LRP1B: variants seen among roughly 807,000 people sequenced by gnomAD.
LRP1B encodes the protein LDL receptor related protein 1B.
Under a neutral mutation model 556.6 loss-of-function variants are expected in LRP1B, and 217 were observed. The observed-to-expected ratio is 0.39, with a 90% CI of 0.35 to 0.44. The LOEUF is 0.44. LRP1B is among the 20% of genes least tolerant of loss of function. LRP1B has a pLI of 1.00. For synonymous variants in LRP1B, 2,047 were observed against 1,865.8 expected (o/e 1.10, Z -2.50); for missense variants, 5,053 against 5,620.8 (o/e 0.90, Z 3.23).
intron 1 of LRP1B, among the ~76,000 whole-genome samples, chr2:142,090,216 G>A (rs2104947981): frequency 6.6e-6 from 1 of 152,158 alleles, no homozygotes; most frequent in South Asian, 2.1e-4. Context: ...TTATTCATAT[G>A]TAATATTTAT....
At chr2:140,320,719 C>T (rs764239235) in intron 82 of LRP1B, among the ~76,000 whole-genome samples, 11 of 152,130 alleles carry the variant, frequency 7.2e-5, no homozygotes, top group East Asian at 3.9e-4. Flanking sequence ...TGAGCCACCA[C>T]GCCTGGCAAG....
At chr2:141,425,270 T>C (rs1391296724) in intron 3 of LRP1B, among the ~76,000 whole-genome samples, 5 of 151,432 alleles carry the variant, frequency 3.3e-5, no homozygotes, top group African/African-American at 4.9e-5. Flanking sequence ...TATGGCTGCA[T>C]AGTATTCCAT....
intron 35 of LRP1B, among the ~76,000 whole-genome samples, chr2:140,758,561 T>G (rs1218395124): frequency 6.6e-6 from 1 of 152,092 alleles, no homozygotes; most frequent in Admixed American, 6.5e-5. Flanking sequence ...CCAACTAATT[T>G]TCATGTTTAA....
intron 15 of LRP1B, among the ~76,000 whole-genome samples, chr2:140,999,246 G>T (rs1022340739): frequency 3.3e-5 from 5 of 152,046 alleles, no homozygotes; most frequent in Non-Finnish European, 5.9e-5. Context: ...TATATTAGAA[G>T]ATATAGCAGA....
intron 32 of LRP1B, among the ~76,000 whole-genome samples, chr2:140,780,744 T>G (rs1339663061): frequency 6.6e-6 from 1 of 152,188 alleles, no homozygotes. Flanking sequence ...ACTGAACATT[T>G]GAACACATCT....
At chr2:141,623,908 G>A (rs1402459864) in intron 2 of LRP1B, among the ~76,000 whole-genome samples, 1 of 150,534 alleles carries the variant, frequency 6.6e-6, no homozygotes, top group Admixed American at 6.6e-5. Flanking sequence ...CCAGCTACTC[G>A]GGAGGCTGAG....
At chr2:141,114,822 G>T (rs1700845592) in intron 7 of LRP1B, among the ~76,000 whole-genome samples, 1 of 151,818 alleles carries the variant, frequency 6.6e-6, no homozygotes, top group South Asian at 2.1e-4. Context: ...AAGTGTGTGG[G>T]TGCGTCCATA....
intron 37 of LRP1B, 106 bp from the exon 38 acceptor site, chr2:140,702,659 T>A: frequency 1.0e-6 from 1 of 959,326 alleles, no homozygotes; most frequent in Middle Eastern, 2.2e-4. Flanking sequence ...CACACTAGAA[T>A]AAAAATAATA....
intron 59 of LRP1B, among the ~76,000 whole-genome samples, chr2:140,484,720 C>G (rs896445267): frequency 1.3e-5 from 2 of 152,136 alleles, no homozygotes; most frequent in African/African-American, 2.4e-5. Flanking sequence ...ATACACCAGA[C>G]AGCTTTGACA....
chr2:141,760,798 G>A (rs1229127720), intron 2 of LRP1B, among the ~76,000 whole-genome samples: 2 of 152,154 alleles, frequency 1.3e-5, no homozygotes, highest in East Asian at 3.8e-4. Context: ...TCTTACAGAC[G>A]ATGGCTAACA....
intron 51 of LRP1B, 68 bp downstream of exon 51, chr2:140,514,585 A>G (rs1689805963): frequency 2.2e-6 from 3 of 1,394,946 alleles, no homozygotes; most frequent in South Asian, 1.8e-5. Flanking sequence ...AATTTTGTGT[A>G]TGCTATAAAA....
At chr2:141,279,629 T>C (rs1267645918) in intron 3 of LRP1B, among the ~76,000 whole-genome samples, 2 of 152,130 alleles carry the variant, frequency 1.3e-5, no homozygotes, top group Non-Finnish European at 2.9e-5. Context: ...ATGTGCTGAA[T>C]GAAAACTACA....
At chr2:141,432,103 A>C (rs1680582617) in intron 3 of LRP1B, among the ~76,000 whole-genome samples, 1 of 152,000 alleles carries the variant, frequency 6.6e-6, no homozygotes, top group Non-Finnish European at 1.5e-5. Flanking sequence ...AGGTTTTGTT[A>C]CCCTTTATTA....
chr2:140,381,634 G>A (rs898473530), intron 67 of LRP1B, among the ~76,000 whole-genome samples: 8 of 151,898 alleles, frequency 5.3e-5, no homozygotes, highest in Non-Finnish European at 8.8e-5. Context: ...AGGTTGAGGT[G>A]GGCAGATAAC....
intron 5 of LRP1B, among the ~76,000 whole-genome samples, chr2:141,242,870 C>A (rs1007873999): frequency 6.6e-6 from 1 of 151,966 alleles, no homozygotes; most frequent in Admixed American, 6.6e-5. Flanking sequence ...AAATTGCCAA[C>A]AATTTGTAAG....
At chr2:140,648,760 C>T (rs1684572984) in intron 41 of LRP1B, among the ~76,000 whole-genome samples, 1 of 152,118 alleles carries the variant, frequency 6.6e-6, no homozygotes, top group Admixed American at 6.5e-5. Context: ...GGTGTGAGAT[C>T]CCAGGAGCCA....
intron 7 of LRP1B, among the ~76,000 whole-genome samples, chr2:141,099,300 G>A (rs2104934270): frequency 6.6e-6 from 1 of 152,000 alleles, no homozygotes; most frequent in Non-Finnish European, 1.5e-5. Context: ...CTTATGAATA[G>A]ATCAAGCAAT....
intron 25 of LRP1B, among the ~76,000 whole-genome samples, chr2:140,869,557 G>A (rs1315211216): frequency 3.3e-5 from 5 of 152,108 alleles, no homozygotes; most frequent in Non-Finnish European, 7.4e-5. Flanking sequence ...AAGAGTACAA[G>A]CATGTTAAGT....
chr2:140,981,683 A>G (rs1470260342), intron 18 of LRP1B, among the ~76,000 whole-genome samples: 1 of 152,018 alleles, frequency 6.6e-6, no homozygotes, highest in African/African-American at 2.4e-5. Context: ...GAATCATACG[A>G]CTCTACGGAA....
Sources: gnomAD v4.1 joint callset for allele counts (sites outside exome capture counted in the v4.1 genomes callset) on GRCh38, gnomAD v4.1.1 for gene constraint, MANE v1.5 for transcripts, NCBI Gene and HGNC (gene_info 2026-07-23, HGNC 2026-07-21) for gene names.